Variants in SLF1 observed in about 807,000 individuals in gnomAD.
SLF1 encodes SMC5/6 complex localization factor 1.
Under a neutral mutation model 123.0 loss-of-function variants are expected in SLF1, and 105 were observed. The ratio of observed to expected loss-of-function variants is 0.85; its 90% CI spans 0.73 to 1.00. The LOEUF is 1.00. SLF1 is among the 50% of genes least tolerant of loss of function. The pLI is 0.00. For missense variants in SLF1, 1,239 were observed against 1,223.0 expected, an observed-to-expected ratio of 1.01 and a Z score of -0.20; for synonymous variants, 434 against 406.6, an observed-to-expected ratio of 1.07 and a Z score of -0.81.
intron 10 of SLF1, 67 bp downstream of exon 10, chr5:94,662,418 T>G: frequency 7.3e-7 from 1 of 1,364,964 alleles, no homozygotes; most frequent in Non-Finnish European, 1.0e-6. Flanking sequence ...TTATTAGTTA[T>G]TTTGAATAAA....
chr5:94,679,358 C>T (rs1168598122), intron 15 of SLF1, among the ~76,000 whole-genome samples: 1 of 152,054 alleles, frequency 6.6e-6, no homozygotes, highest in Non-Finnish European at 1.5e-5. Context: ...CTTTGGGAAG[C>T]CGAGGTGGGA....
chr5:94,694,929 A>G lies in SLF1; in HGVS notation c.2794A>G (p.Ile932Val), dbSNP rs757439557. The G allele has an allele frequency of 6.2e-6, 10 of 1,612,140 alleles. No homozygotes were observed. Among genetic ancestry groups the G allele is most frequent in the Non-Finnish European group, 5.1e-6 (6 of 1,179,008 alleles). ...AGAAGAACTGTTTGCTATTACAAAAATAGAAGATACAGTGGAGAACTTTCA... is the reference window on the plus strand; with the variant it reads ...AGAAGAACTGTTTGCTATTACAAAAGTAGAAGATACAGTGGAGAACTTTCA... The part of the protein sequence containing the change: ...IKEELFAITK[I>V]EDTVENFHAQ... The change falls in exon 21 of 21, where the codon ATA (isoleucine) becomes GTA (valine). Residue 932 changes from isoleucine (I) to valine (V), a missense_variant. Physicochemically the swap from Ile to Val is conservative, Grantham distance 29. Coordinates refer to ENST00000265140, the MANE Select transcript of SLF1 (RefSeq NM_032290.4).
At chr5:94,651,543 C>G (rs1747724776) in intron 6 of SLF1, among the ~76,000 whole-genome samples, 159 bp from the exon 7 acceptor site, 1 of 152,162 alleles carries the variant, frequency 6.6e-6, no homozygotes, top group Non-Finnish European at 1.5e-5. Context: ...TCTGCTTTAT[C>G]TTACATAATT....
At chr5:94,654,156 G>T (rs1297485704) in intron 8 of SLF1, among the ~76,000 whole-genome samples, 1 of 152,002 alleles carries the variant, frequency 6.6e-6, no homozygotes, top group African/African-American at 2.4e-5. Flanking sequence ...GGTGACAAGA[G>T]TAAGACCCCA....
chr5:94,655,114 T>C (rs915177161), intron 9 of SLF1, among the ~76,000 whole-genome samples: 25 of 152,220 alleles, frequency 1.6e-4, no homozygotes, highest in Admixed American at 1.6e-3. Flanking sequence ...GATTTTTGTA[T>C]ATGGTGAAGA....
intron 15 of SLF1, among the ~76,000 whole-genome samples, chr5:94,686,359 T>C (rs553004708): frequency 6.6e-6 from 1 of 152,352 alleles, no homozygotes; most frequent in Non-Finnish European, 1.5e-5. Context: ...TGATTGTTTT[T>C]TTCAAGTGTG....
intron 4 of SLF1, among the ~76,000 whole-genome samples, chr5:94,641,332 C>T (rs1009722835): frequency 2.0e-5 from 3 of 152,018 alleles, no homozygotes; most frequent in Admixed American, 6.5e-5. Context: ...GTCTCTCTTG[C>T]TCTTCTGCTT....
rs1264860506 is a variant in SLF1 at position 94,692,240 on chromosome 5, G to A, written c.2679G>A (p.Leu893=). 6 of 1,613,516 alleles carry A rather than the reference G, an allele frequency of 3.7e-6. No homozygotes were observed. The highest frequency in any genetic ancestry group is 5.1e-6 in the Non-Finnish European group (6 of 1,179,606). ...ACGGACATGTAGAAATTGGCAAGCT[G>A]CTACTACAGCATGGGGGTGAGTGTG... ...LSNGHVEIGK[L]LLQHGGPVLL... is the part of the protein sequence containing the mutation. The change falls in exon 20 of 21, where the codon CTG becomes CTA. Residue 893 remains leucine (L), a synonymous_variant. Transcript: ENST00000265140.
intron 9 of SLF1, among the ~76,000 whole-genome samples, chr5:94,656,897 T>G (rs1178521913): frequency 6.6e-6 from 1 of 151,246 alleles, no homozygotes; most frequent in Non-Finnish European, 1.5e-5. Flanking sequence ...TAATGGCTTA[T>G]TGATTTTGTT....
At chr5:94,679,021 G>T in intron 15 of SLF1, 66 bp downstream of exon 15, 1 of 1,568,842 alleles carries the variant, frequency 6.4e-7, no homozygotes, top group East Asian at 2.2e-5. Context: ...TTTCTTTTAA[G>T]CAGTCTGTAA....
At chr5:94,688,281 A>T (rs1244015957) in intron 16 of SLF1, among the ~76,000 whole-genome samples, 1 of 152,282 alleles carries the variant, frequency 6.6e-6, no homozygotes, top group African/African-American at 2.4e-5. Context: ...ATTAGAAAAA[A>T]ATAATTATTT....
At chr5:94,689,449 A>T in intron 17 of SLF1, 24 bp from the exon 18 acceptor site, 1 of 1,597,296 alleles carries the variant, frequency 6.3e-7, no homozygotes, top group East Asian at 2.2e-5. Flanking sequence ...ACAAGCTTTC[A>T]TTATTTCTTA....
chr5:94,667,107 A>C (rs1159245165), intron 12 of SLF1, among the ~76,000 whole-genome samples: 1 of 152,148 alleles, frequency 6.6e-6, no homozygotes, highest in Non-Finnish European at 1.5e-5. Context: ...TGATATATTT[A>C]AAGTGAGCTA....
In SLF1 at chr5:94,696,447, ACT is replaced by A. The variant is rs1281384929; in HGVS notation, c.*1136_*1137del. 1 of 151,858 alleles carries A rather than the reference ACT, an allele frequency of 6.6e-6. No homozygotes were observed. Among genetic ancestry groups the A allele is most frequent in the Non-Finnish European group, 1.5e-5 (1 of 67,830 alleles). 9.4% of individuals were successfully genotyped at this position (151,858 alleles called of 1,614,324 possible). A position where few individuals can be genotyped will look rare whatever the true frequency, so the allele number is the denominator to read the frequency against. On this transcript the variant is annotated 3_prime_UTR_variant, in exon 21 of 21. Coordinates refer to ENST00000265140, the MANE Select transcript of SLF1 (RefSeq NM_032290.4). ...GTATGAAAAAATATTTTAAATAAGT[ACT>A]TTTTCCACACATACTCAGGAAATAC...
chr5:94,676,184 GCATATGGA>G (rs1232537193), intron 14 of SLF1, among the ~76,000 whole-genome samples: 13 of 152,256 alleles, frequency 8.5e-5, no homozygotes, highest in Non-Finnish European at 1.8e-4. Flanking sequence ...ATGCATATGT[GCATATGGA>G]CATAATCAGT....
At position 94,692,084 on chromosome 5, in the gene SLF1, C is replaced by T; in HGVS notation, c.2523C>T (p.Gly841=). ...GIDINVKDNA[G]WTPLHEACNY... ...TGATTTCTAATTTAGACAATGCTGG[C>T]TGGACGCCTTTGCATGAAGCCTGTA... Residue 841 remains glycine (G), a synonymous_variant, in exon 20 of 21, where the codon GGC becomes GGT. Transcript: ENST00000265140. 11 of 1,613,300 alleles carry T rather than the reference C, an allele frequency of 6.8e-6. No individual in the cohort carries two copies. Among genetic ancestry groups the T allele is most frequent in the Non-Finnish European group, 9.3e-6 (11 of 1,179,562 alleles).
intron 1 of SLF1, among the ~76,000 whole-genome samples, chr5:94,623,398 CAT>C (rs1791964787): frequency 6.6e-6 from 1 of 152,068 alleles, no homozygotes; most frequent in Non-Finnish European, 1.5e-5. Flanking sequence ...GACATTTTCT[CAT>C]AACCAAGAAT....
chr5:94,624,860 A>G (rs1427359216), intron 1 of SLF1, among the ~76,000 whole-genome samples: 1 of 152,086 alleles, frequency 6.6e-6, no homozygotes, highest in African/African-American at 2.4e-5. Flanking sequence ...TTAAAAATAT[A>G]CAAGTAGTAG....
chr5:94,623,393 T>C (rs954746211), intron 1 of SLF1, among the ~76,000 whole-genome samples: 8 of 152,164 alleles, frequency 5.3e-5, no homozygotes, highest in African/African-American at 1.9e-4. Context: ...AAAAGGACAT[T>C]TTCTCATAAC....
Sources: gnomAD v4.1 joint callset for allele counts (sites outside exome capture counted in the v4.1 genomes callset) on GRCh38, gnomAD v4.1.1 for gene constraint, MANE v1.5 for transcripts, NCBI Gene and HGNC (gene_info 2026-07-23, HGNC 2026-07-21) for gene names.